OR7C1: variants seen among roughly 807,000 people sequenced by gnomAD.
The protein encoded by OR7C1 is olfactory receptor 7C1.
For missense variants in OR7C1, 324 were observed against 383.3 expected, an observed-to-expected ratio of 0.85 and a Z score of 1.29; for synonymous variants, 152 against 160.7, an observed-to-expected ratio of 0.95 and a Z score of 0.41.
intron 1 of OR7C1, among the ~76,000 whole-genome samples, chr19:14,833,738 T>C (rs2044856814): frequency 6.6e-6 from 1 of 152,200 alleles, no homozygotes; most frequent in Non-Finnish European, 1.5e-5. Flanking sequence ...GCAATCAAGA[T>C]CTTGATCAAA....
At chr19:14,814,393 G>T (rs897335179) in intron 1 of OR7C1, among the ~76,000 whole-genome samples, 2 of 151,694 alleles carry the variant, frequency 1.3e-5, no homozygotes, top group African/African-American at 2.4e-5. Context: ...ATACAAAATG[G>T]CCAACAGGAA....
At chr19:14,819,998 T>C (rs897723136) in intron 1 of OR7C1, among the ~76,000 whole-genome samples, 4 of 152,178 alleles carry the variant, frequency 2.6e-5, no homozygotes, top group African/African-American at 7.2e-5. Context: ...CCTCAACCTC[T>C]TGGGTTCAAG....
chr19:14,808,080 A>G (rs2044674058), intron 2 of OR7C1, among the ~76,000 whole-genome samples: 2 of 144,910 alleles, frequency 1.4e-5, no homozygotes, highest in Admixed American at 6.8e-5. Context: ...CACCAGTCAG[A>G]ATGGTTATTT....
chr19:14,827,053 C>T (rs1008159351), intron 1 of OR7C1: 1 of 372,214 alleles, frequency 2.7e-6, no homozygotes, highest in Non-Finnish European at 4.7e-6. Flanking sequence ...GATCCAAAGT[C>T]GGAAATAACC....
At chr19:14,826,697 A>G (rs1361889311) in intron 1 of OR7C1, 1 of 152,214 alleles carries the variant, frequency 6.6e-6, no homozygotes, top group Admixed American at 6.5e-5. Context: ...TTGCACTCGG[A>G]ACATATTTTT....
intron 1 of OR7C1, among the ~76,000 whole-genome samples, chr19:14,834,087 C>G (rs1364201494): frequency 1.3e-5 from 2 of 152,138 alleles, no homozygotes; most frequent in Non-Finnish European, 2.9e-5. Context: ...TGGTGAAACT[C>G]CATCTCTACA....
chr19:14,831,255 C>T (rs1212684756), intron 1 of OR7C1, among the ~76,000 whole-genome samples: 1 of 152,084 alleles, frequency 6.6e-6, no homozygotes, highest in Non-Finnish European at 1.5e-5. Flanking sequence ...GCCAACAATT[C>T]ACAAAAAGAA....
chr19:14,805,023 C>T (rs574821443), intron 2 of OR7C1, among the ~76,000 whole-genome samples: 1 of 151,880 alleles, frequency 6.6e-6, no homozygotes, highest in Non-Finnish European at 1.5e-5. Flanking sequence ...AAGAATGCAC[C>T]GTCACACCCA....
chr19:14,818,076 T>TTATC (rs1335017173), intron 1 of OR7C1, among the ~76,000 whole-genome samples: 1 of 149,134 alleles, frequency 6.7e-6, no homozygotes, highest in Admixed American at 6.7e-5. Flanking sequence ...ATTTATTTAT[T>TTATC]TATTTATTTA....
At chr19:14,827,915 T>C in intron 1 of OR7C1, 1 of 1,614,172 alleles carries the variant, frequency 6.2e-7, no homozygotes, top group Non-Finnish European at 8.5e-7. Flanking sequence ...AGTTTTCAAA[T>C]CCAGCAAAGA....
At position 14,799,234 on chromosome 19, in the gene OR7C1, C is replaced by CA; in HGVS notation, c.902dup (p.Arg303GlufsTer5). On this transcript the variant is annotated frameshift_variant, in exon 5 of 5. Transcript: ENST00000641666. LOFTEE classifies it low-confidence loss of function (END_TRUNC). ...ATGTTGCCCTACTGAGGAGTCTCCC[C>CA]AGGGCCCTCTTCATGTCCGTGTTCC... 1.2e-6 allele frequency: 2 copies of CA among 1,614,122 alleles called. No individual in the cohort carries two copies. Among genetic ancestry groups the CA allele is most frequent in the Non-Finnish European group, 1.7e-6 (2 of 1,180,014 alleles).
chr19:14,833,196 C>T (rs561045768), intron 1 of OR7C1, among the ~76,000 whole-genome samples: 4 of 152,060 alleles, frequency 2.6e-5, no homozygotes, highest in Admixed American at 6.5e-5. Context: ...ACTTCAATAT[C>T]GGCCAGGTAC....
intron 1 of OR7C1, chr19:14,827,159 T>A: frequency 9.8e-7 from 1 of 1,025,582 alleles, no homozygotes; most frequent in East Asian, 2.7e-5. Flanking sequence ...ACAAGACCAG[T>A]TGAAATCACA....
At chr19:14,832,545 A>T (rs1481029365) in intron 1 of OR7C1, among the ~76,000 whole-genome samples, 5 of 145,870 alleles carry the variant, frequency 3.4e-5, no homozygotes, top group Admixed American at 2.1e-4. Context: ...TCCTGCCTCA[A>T]CCTCCCAAGT....
intron 1 of OR7C1, among the ~76,000 whole-genome samples, chr19:14,822,466 C>T (rs1019326728): frequency 1.4e-5 from 2 of 146,740 alleles, no homozygotes; most frequent in African/African-American, 5.0e-5. Flanking sequence ...CTCACTGCAA[C>T]CTCCACCACC....
rs954036474 is a variant in OR7C1, at chr19:14,827,176, T to C, written c.-623+7898A>G. The stretch of plus-strand genomic sequence containing the variant: ...AAGACCAGTTGAAATCACAACAAAT[T>C]GAAACTCCCAGAAATATAATAAGTA... On this transcript the variant is annotated intron_variant, in intron 1 of 4. Transcript: ENST00000641666. The C allele has an allele frequency of 2.5e-6, 3 of 1,194,062 alleles. No individual in the cohort carries two copies. The African/African-American group carries it at 4.7e-5, about 19-fold the overall frequency. 74.0% of individuals were successfully genotyped at this position (1,194,062 alleles called of 1,614,324 possible).
intron 1 of OR7C1, among the ~76,000 whole-genome samples, chr19:14,815,833 G>C (rs919753883): frequency 4.0e-5 from 6 of 151,830 alleles, no homozygotes; most frequent in African/African-American, 1.5e-4. Flanking sequence ...CTGGGTGTGT[G>C]TGTGTTGAGA....
intron 4 of OR7C1, 47 bp from the exon 5 acceptor site, chr19:14,800,196 C>T: frequency 6.8e-7 from 1 of 1,466,394 alleles, no homozygotes; most frequent in Non-Finnish European, 9.1e-7. Flanking sequence ...AACACACTGG[C>T]AACATGGAAA....
At chr19:14,823,036 A>G (rs1031770456) in intron 1 of OR7C1, among the ~76,000 whole-genome samples, 33 of 151,424 alleles carry the variant, frequency 2.2e-4, no homozygotes, top group African/African-American at 7.8e-4. Flanking sequence ...GTCTATTTTC[A>G]CTTTCGTTGC....
Sources: gnomAD v4.1 joint callset for allele counts (sites outside exome capture counted in the v4.1 genomes callset) on GRCh38, gnomAD v4.1.1 for gene constraint, MANE v1.5 for transcripts, NCBI Gene and HGNC (gene_info 2026-07-23, HGNC 2026-07-21) for gene names.